The following VAV1 variants were observed in gnomAD, a reference collection of about 807,000 sequenced individuals.
The protein encoded by VAV1 is vav guanine nucleotide exchange factor 1.
Under a neutral mutation model 128.1 loss-of-function variants are expected in VAV1, and 33 were observed. The observed-to-expected ratio is 0.26, with a 90% CI of 0.20 to 0.34. VAV1 has a LOEUF of 0.34. Ranked by LOEUF, VAV1 falls within the 10% of genes least tolerant of loss-of-function variation. VAV1 has a pLI of 1.00. For synonymous variants in VAV1, 394 were observed against 409.8 expected, an observed-to-expected ratio of 0.96 and a Z score of 0.47; for missense variants, 715 against 1,093.7, an observed-to-expected ratio of 0.65 and a Z score of 4.88.
In VAV1 at chr19:6,826,872, A is replaced by G; in HGVS notation, c.927+161A>G. 1.6e-6 allele frequency: 1 copy of G among 642,050 alleles called. No homozygotes were observed. The allele number at this position is 642,050 out of a possible 1,614,324, so 39.8% of individuals were successfully genotyped here. A position where few individuals can be genotyped will look rare whatever the true frequency, so the allele number is the denominator to read the frequency against. On this transcript the variant is annotated intron_variant, in intron 9 of 26. Coordinates refer to ENST00000602142, the MANE Select transcript of VAV1 (RefSeq NM_005428.4). This position sits in a 1 kb window ranked among gnomAD's most constrained non-coding sequence, Gnocchi z 4.1. ...GAGGTACTAGCCAGCCAAGCAGAGGAAATGGAGAAGAACAGAAATGGGCTG... is the reference window on the plus strand; with the variant it reads ...GAGGTACTAGCCAGCCAAGCAGAGGGAATGGAGAAGAACAGAAATGGGCTG...
In VAV1 at chr19:6,857,125, G is replaced by T. The variant is rs1314611471; in HGVS notation, c.*18G>T. On this transcript the variant is annotated 3_prime_UTR_variant, in exon 27 of 27. Coordinates refer to ENST00000602142, the MANE Select transcript of VAV1 (RefSeq NM_005428.4). ...ACTGCTGAGCCCTGGTGCCTTGGCA[G>T]AGAGACGAGAAACTCCAGGCTCTGA... The T allele has an allele frequency of 6.2e-7, 1 of 1,613,928 alleles. No homozygotes were observed. The highest frequency in any genetic ancestry group is 1.7e-5 in the Admixed American group (1 of 60,008).
chr19:6,778,183 T>G (rs1193209463), intron 1 of VAV1, among the ~76,000 whole-genome samples: 2 of 152,120 alleles, frequency 1.3e-5, no homozygotes, highest in African/African-American at 2.4e-5. Context: ...GTGACCCACA[T>G]GCCTCGGCCT....
intron 1 of VAV1, among the ~76,000 whole-genome samples, chr19:6,788,317 G>C (rs1970940074): frequency 6.6e-6 from 1 of 151,204 alleles, no homozygotes; most frequent in Non-Finnish European, 1.5e-5. Context: ...CAAGGTCCTA[G>C]CATTATCCTT....
Position 6,829,769 on chromosome 19 carries a change from G to A in VAV1, c.1266-17G>A, listed in dbSNP as rs369683699. The stretch of plus-strand genomic sequence containing the variant: ...GTTGGGAAGAGCCAGACAGGAATGC[G>A]TTATCCATCCTTCCAGGTATGCCTT... On this transcript the variant is annotated splice_polypyrimidine_tract_variant and intron_variant, in intron 13 of 26. Coordinates refer to ENST00000602142, the MANE Select transcript of VAV1 (RefSeq NM_005428.4). The A allele has an allele frequency of 5.0e-6, 8 of 1,613,758 alleles. No individual in the cohort carries two copies. The highest frequency in any genetic ancestry group is 2.7e-5 in the African/African-American group (2 of 74,902).
At position 6,821,522 on chromosome 19, in the gene VAV1, C is replaced by A. The variant is rs542975899; in HGVS notation, c.322-100C>A. On this transcript the variant is annotated intron_variant, in intron 2 of 26. Coordinates refer to ENST00000602142, the MANE Select transcript of VAV1 (RefSeq NM_005428.4). ...AATCCTGAATTAGGCTTCCAAGAGG[C>A]ATGGGATCTAGCGCCTCAGACAGAG... The A allele has an allele frequency of 5.0e-6, 7 of 1,402,662 alleles. No homozygotes were observed. The East Asian group carries it at 1.6e-4, about 32-fold the overall frequency. The allele number at this position is 1,402,662 out of a possible 1,614,324, so 86.9% of individuals were successfully genotyped here.
chr19:6,850,538 G>T, intron 23 of VAV1, 132 bp from the exon 24 acceptor site: 1 of 761,740 alleles, frequency 1.3e-6, no homozygotes, highest in Non-Finnish European at 2.2e-6. Flanking sequence ...GGGCTCTGTT[G>T]GGACAGCTTG....
intron 14 of VAV1, among the ~76,000 whole-genome samples, chr19:6,830,310 G>A (rs1371328053): frequency 6.6e-6 from 1 of 151,768 alleles, no homozygotes; most frequent in Non-Finnish European, 1.5e-5. Flanking sequence ...ACCTGCCTCG[G>A]CCTCCCAAAG....
chr19:6,784,838 G>A (rs1341710661), intron 1 of VAV1, among the ~76,000 whole-genome samples: 1 of 151,998 alleles, frequency 6.6e-6, no homozygotes, highest in Non-Finnish European at 1.5e-5. Context: ...GTCCAGTGCT[G>A]GGAAATGTCA....
At chr19:6,821,504 A>C in intron 2 of VAV1, 118 bp from the exon 3 acceptor site, 1 of 1,220,168 alleles carries the variant, frequency 8.2e-7, no homozygotes, top group South Asian at 1.2e-5. Context: ...GAAAATCCTG[A>C]ATTAGGCTTC....
At chr19:6,785,785 G>A (rs1340792461) in intron 1 of VAV1, among the ~76,000 whole-genome samples, 4 of 150,766 alleles carry the variant, frequency 2.7e-5, no homozygotes, top group East Asian at 1.9e-4. Flanking sequence ...TCAGCCTTCC[G>A]AGTAGCCAGG....
intron 1 of VAV1, among the ~76,000 whole-genome samples, chr19:6,816,857 G>A (rs1490595105): frequency 2.0e-5 from 3 of 151,718 alleles, no homozygotes; most frequent in African/African-American, 4.8e-5. Flanking sequence ...CCAGCTACTT[G>A]GGAGGCTGAG....
chr19:6,843,028 C>A, intron 21 of VAV1, 107 bp from the exon 22 acceptor site: 2 of 1,282,968 alleles, frequency 1.6e-6, no homozygotes, highest in Non-Finnish European at 2.3e-6. Context: ...TAGGCACTCA[C>A]TAAATGCAAG....
intron 1 of VAV1, chr19:6,784,243 TA>T: frequency 1.5e-6 from 1 of 650,570 alleles, no homozygotes; most frequent in Non-Finnish European, 2.8e-6. Flanking sequence ...GACAAAAGAG[TA>T]AGACCCTGTC....
At chr19:6,840,127 C>G (rs561510643) in intron 21 of VAV1, among the ~76,000 whole-genome samples, 2 of 152,260 alleles carry the variant, frequency 1.3e-5, no homozygotes, top group African/African-American at 4.8e-5. Flanking sequence ...ACCACCTATT[C>G]CCCTCTCCCA....
intron 2 of VAV1, among the ~76,000 whole-genome samples, chr19:6,821,392 C>A (rs1348083121): frequency 6.6e-6 from 1 of 151,716 alleles, no homozygotes; most frequent in African/African-American, 2.4e-5. Context: ...CAGAGTGAGA[C>A]TCCGTTAAAA....
chr19:6,838,988 C>T (rs544481919), intron 21 of VAV1, among the ~76,000 whole-genome samples: 112 of 152,062 alleles, frequency 7.4e-4, no homozygotes, highest in South Asian at 2.7e-3. Flanking sequence ...TTGCAACCTC[C>T]GCCTTCCGGT....
At position 6,832,844 on chromosome 19, in the gene VAV1, G is replaced by A. The variant is rs117857922; in HGVS notation, c.1509-340G>A. On this transcript the variant is annotated intron_variant, in intron 15 of 26. Transcript: ENST00000602142. ...TCTAACAATTTCGAAGTGTATGATC[G>A]CATGGCATTTTGTACACTAACAGCA... 1.8e-3 allele frequency among the ~76,000 whole-genome samples: 269 copies of A among 151,964 alleles called. 3 individuals carry two copies. In the East Asian group the frequency reaches 0.039, roughly 22 times the overall value.
chr19:6,784,966 G>C (rs929493050), intron 1 of VAV1, among the ~76,000 whole-genome samples: 6 of 152,018 alleles, frequency 3.9e-5, no homozygotes, highest in African/African-American at 1.4e-4. Context: ...AGCCCACAAG[G>C]GCTTATGCAT....
intron 6 of VAV1, among the ~76,000 whole-genome samples, chr19:6,823,327 T>C (rs891638748): frequency 2.0e-5 from 3 of 151,354 alleles, no homozygotes; most frequent in Non-Finnish European, 2.9e-5. Context: ...GGTTTTGCCA[T>C]GTTGGCCAGG....
Sources: allele counts gnomAD v4.1 joint callset (sites outside exome capture counted in the v4.1 genomes callset), GRCh38; gene constraint gnomAD v4.1.1; non-coding constraint Gnocchi (gnomAD v3.1); transcripts MANE v1.5; gene names NCBI Gene and HGNC (gene_info 2026-07-23, HGNC 2026-07-21).